Variants in GRM7 observed in about 807,000 individuals in gnomAD.
GRM7 encodes glutamate metabotropic receptor 7.
A neutral mutation model predicts 84.5 loss-of-function variants in GRM7; 35 were observed. That is an observed-to-expected ratio of 0.41 (90% CI 0.32 to 0.55). The LOEUF is 0.55. Among genes scored for constraint, GRM7 ranks in the 20% least tolerant of loss-of-function variants. The probability of loss-of-function intolerance (pLI) is 0.19; values close to 1 mark genes in which losing one functional copy is unlikely to be tolerated. For missense variants in GRM7, 1,003 were observed against 1,194.6 expected, an observed-to-expected ratio of 0.84 and a Z score of 2.36; for synonymous variants, 487 against 455.1, an observed-to-expected ratio of 1.07 and a Z score of -0.89.
At chr3:7,691,798 T>A (rs1307554890) in intron 9 of GRM7, among the ~76,000 whole-genome samples, 1 of 152,076 alleles carries the variant, frequency 6.6e-6, no homozygotes, top group Non-Finnish European at 1.5e-5. Flanking sequence ...GTAGCTGGGA[T>A]TACAGGCATG....
intron 9 of GRM7, among the ~76,000 whole-genome samples, chr3:7,736,328 T>TA (rs1702498910): frequency 6.6e-6 from 1 of 152,200 alleles, no homozygotes; most frequent in Admixed American, 6.5e-5. Context: ...TCAACTTTGT[T>TA]AAAAATATTG....
At chr3:7,633,655 A>C (rs7639117) in intron 8 of GRM7, among the ~76,000 whole-genome samples, 132,460 of 152,134 alleles carry the variant, frequency 0.87, 57,839 homozygotes, top group African/African-American at 0.94. Flanking sequence ...CCAAGCCAAA[A>C]TGGTTCCATT....
chr3:7,676,068 G>A (rs1055575507), intron 8 of GRM7, among the ~76,000 whole-genome samples: 54 of 152,106 alleles, frequency 3.6e-4, no homozygotes, highest in Middle Eastern at 3.4e-3. Flanking sequence ...TGCAAACTCC[G>A]CCTCCTGGGT....
At chr3:7,288,223 T>C (rs894018200) in intron 2 of GRM7, among the ~76,000 whole-genome samples, 2 of 152,122 alleles carry the variant, frequency 1.3e-5, no homozygotes, top group African/African-American at 4.8e-5. Context: ...TGGGGTAAAA[T>C]ATCTGGCACT....
chr3:7,617,967 G>C (rs961168417), intron 8 of GRM7, among the ~76,000 whole-genome samples: 1 of 152,202 alleles, frequency 6.6e-6, no homozygotes, highest in African/African-American at 2.4e-5. Flanking sequence ...TGCAAATTTA[G>C]ACTCTGGGCA....
intron 1 of GRM7, among the ~76,000 whole-genome samples, chr3:7,048,611 G>T (rs1696882381): frequency 6.6e-6 from 1 of 151,762 alleles, no homozygotes; most frequent in Non-Finnish European, 1.5e-5. Flanking sequence ...TAATTGACAA[G>T]AATTATTTAT....
chr3:7,010,953 C>T (rs1172609840), intron 1 of GRM7, among the ~76,000 whole-genome samples: 8 of 152,174 alleles, frequency 5.3e-5, no homozygotes, highest in Non-Finnish European at 8.8e-5. Context: ...AGAGTAGGGA[C>T]TTCCAGTTCT....
intron 2 of GRM7, among the ~76,000 whole-genome samples, chr3:7,255,066 A>G (rs1317582781): frequency 6.6e-6 from 1 of 152,170 alleles, no homozygotes. Flanking sequence ...CTCTGCAAAT[A>G]TTTCATGGTA....
intron 2 of GRM7, among the ~76,000 whole-genome samples, chr3:7,225,836 C>A (rs2124886721): frequency 6.6e-6 from 1 of 152,052 alleles, no homozygotes; most frequent in South Asian, 2.1e-4. Flanking sequence ...TGCTAGTGTG[C>A]AAATGGTACC....
At chr3:7,637,487 A>C (rs894911523) in intron 8 of GRM7, among the ~76,000 whole-genome samples, 4 of 152,250 alleles carry the variant, frequency 2.6e-5, no homozygotes, top group Non-Finnish European at 5.9e-5. Context: ...CCTCTATTAA[A>C]AAATCCATCA....
intron 8 of GRM7, among the ~76,000 whole-genome samples, chr3:7,613,552 A>G (rs183558857): frequency 6.6e-5 from 10 of 152,286 alleles, no homozygotes; most frequent in Middle Eastern, 3.4e-3. Flanking sequence ...CATCTTCCCA[A>G]CGTACAGAGT....
At chr3:7,025,963 A>G (rs1695965786) in intron 1 of GRM7, among the ~76,000 whole-genome samples, 1 of 152,222 alleles carries the variant, frequency 6.6e-6, no homozygotes, top group Admixed American at 6.5e-5. Context: ...AAAGCCATAC[A>G]TGGCTAATAG....
At chr3:7,341,794 C>A (rs1949014) in intron 4 of GRM7, among the ~76,000 whole-genome samples, 145,712 of 152,172 alleles carry the variant, frequency 0.96, 69,922 homozygotes, top group East Asian at 1. Context: ...CATTAAAGAA[C>A]CTAAAACTTA....
intron 7 of GRM7, among the ~76,000 whole-genome samples, chr3:7,557,370 T>C (rs767534044): frequency 6.6e-6 from 1 of 152,186 alleles, no homozygotes; most frequent in African/African-American, 2.4e-5. Context: ...TATTGACATA[T>C]CTGGGAAGAA....
chr3:7,472,817 T>A (rs1698756386), intron 7 of GRM7, among the ~76,000 whole-genome samples: 1 of 152,228 alleles, frequency 6.6e-6, no homozygotes, highest in Admixed American at 6.5e-5. Flanking sequence ...TCGTGCTAAC[T>A]AATGTTTTTC....
At chr3:6,938,496 T>A (rs866182583) in intron 1 of GRM7, among the ~76,000 whole-genome samples, 18 of 152,154 alleles carry the variant, frequency 1.2e-4, no homozygotes, top group African/African-American at 3.9e-4. Context: ...GACAAATATA[T>A]CTTGAGCACC....
chr3:7,717,960 C>T (rs115948334), intron 9 of GRM7, among the ~76,000 whole-genome samples: 152 of 152,334 alleles, frequency 1.0e-3, no homozygotes, highest in African/African-American at 3.5e-3. Flanking sequence ...CACCCTTCTG[C>T]CTTACAATAT....
At chr3:7,542,104 C>A (rs1471910691) in intron 7 of GRM7, among the ~76,000 whole-genome samples, 2 of 152,176 alleles carry the variant, frequency 1.3e-5, no homozygotes, top group African/African-American at 4.8e-5. Context: ...AGAACCTACC[C>A]TAATGAAGTA....
rs186544730 is a variant in GRM7 at position 7,407,591 on chromosome 3, A to G, written c.1034-7432A>G. On this transcript the variant is annotated intron_variant, in intron 4 of 9. Coordinates refer to ENST00000357716, the MANE Select transcript of GRM7 (RefSeq NM_000844.4). ...TTAAAAATCATCTGTAAGGTATCCT[A>G]CTATCCTTAATTTATAGATGAGGAA... Among the ~76,000 whole-genome samples the G allele has an allele frequency of 4.8e-3, 731 of 150,962 alleles. 2 individuals are homozygous for G. The highest frequency in any genetic ancestry group is 0.016 in the African/African-American group (663 of 41,226).
Sources: allele counts gnomAD v4.1 joint callset (sites outside exome capture counted in the v4.1 genomes callset), GRCh38; gene constraint gnomAD v4.1.1; transcripts MANE v1.5; gene names NCBI Gene and HGNC (gene_info 2026-07-23, HGNC 2026-07-21).